Variants in PTPN3 observed in about 807,000 individuals in gnomAD.
PTPN3 encodes the protein protein tyrosine phosphatase non-receptor type 3.
Under a neutral mutation model 132.7 loss-of-function variants are expected in PTPN3, and 96 were observed. The observed-to-expected ratio is 0.72, with a 90% CI of 0.61 to 0.86. The LOEUF (loss-of-function observed/expected upper bound fraction) is 0.86. PTPN3 is among the 40% of genes least tolerant of loss of function. The pLI, the probability that PTPN3 is intolerant of heterozygous loss-of-function variation, is 0.00. For synonymous variants in PTPN3, 398 were observed against 429.0 expected, an observed-to-expected ratio of 0.93 and a Z score of 0.89; for missense variants, 1,125 against 1,159.6, an observed-to-expected ratio of 0.97 and a Z score of 0.43.
intron 12 of PTPN3, among the ~76,000 whole-genome samples, chr9:109,423,600 T>C (rs1164890707): frequency 6.6e-6 from 1 of 152,192 alleles, no homozygotes; most frequent in Non-Finnish European, 1.5e-5. Flanking sequence ...AGTAAGACTC[T>C]GTCTCCAAAA....
intron 1 of PTPN3, among the ~76,000 whole-genome samples, chr9:109,470,991 C>A (rs530905962): frequency 6.0e-5 from 9 of 151,150 alleles, no homozygotes; most frequent in Non-Finnish European, 1.2e-4. Flanking sequence ...AGAAAAGTTG[C>A]AAGAAAAACA....
chr9:109,515,049 C>A, the PTPN3 span, among the ~76,000 whole-genome samples: 2 of 151,620 alleles, frequency 1.3e-5, no homozygotes, highest in Non-Finnish European at 2.9e-5. Flanking sequence ...TTGACAGAGT[C>A]TCACTCTATA....
chr9:109,523,102 C>T, the PTPN3 span, among the ~76,000 whole-genome samples: 1 of 150,520 alleles, frequency 6.6e-6, no homozygotes, highest in South Asian at 2.1e-4. Context: ...TAGTGCTTCT[C>T]TATAAATTTA....
At chr9:109,469,756 T>C (rs1056727840) in intron 1 of PTPN3, among the ~76,000 whole-genome samples, 1 of 152,170 alleles carries the variant, frequency 6.6e-6, no homozygotes, top group African/African-American at 2.4e-5. Flanking sequence ...ATACCCAATT[T>C]GTAAGTAACC....
At chr9:109,510,558 T>TAAAAAAAAA in the PTPN3 span, among the ~76,000 whole-genome samples, 4 of 74,148 alleles carry the variant, frequency 5.4e-5, no homozygotes, top group African/African-American at 2.0e-4. Flanking sequence ...AACTTTGTCT[T>TAAAAAAAAA]AAAAAAAAAA....
intron 14 of PTPN3, among the ~76,000 whole-genome samples, chr9:109,416,693 C>G (rs1842532016): frequency 6.6e-6 from 1 of 152,040 alleles, no homozygotes; most frequent in African/African-American, 2.4e-5. Context: ...GCAATCTGAC[C>G]AGCATGGCCT....
At chr9:109,499,731 CG>C (rs1215178128), upstream of PTPN3, among the ~76,000 whole-genome samples, 1 of 152,244 alleles carries the variant, frequency 6.6e-6, no homozygotes, top group Non-Finnish European at 1.5e-5. Context: ...AACCTCATTT[CG>C]GTCCTTGTCC....
intron 5 of PTPN3, among the ~76,000 whole-genome samples, chr9:109,452,208 C>T (rs1339015232): frequency 7.4e-6 from 1 of 134,390 alleles, no homozygotes; most frequent in East Asian, 2.2e-4. Context: ...GCCGAGGTTA[C>T]AGTGAGCTGA....
intron 7 of PTPN3, among the ~76,000 whole-genome samples, chr9:109,439,569 G>T (rs1309594705): frequency 6.6e-6 from 1 of 152,238 alleles, no homozygotes; most frequent in Non-Finnish European, 1.5e-5. Context: ...CAGAAGGGAA[G>T]TGGGTGAGAC....
rs1433337101 is a variant in PTPN3, at chr9:109,408,793, AAAAAT to A, written c.1579-421_1579-417del. On this transcript the variant is annotated intron_variant, in intron 16 of 25. Transcript: ENST00000374541. ...AACTTATAATAATTAAAAAAAAAAA[AAAAAT>A]ATATATATATATATATATATGGGCT... Among the ~76,000 whole-genome samples, 639 of 74,580 alleles carry A rather than the reference AAAAAT, an allele frequency of 8.6e-3. 13 individuals carry two copies. Among genetic ancestry groups the A allele is most frequent in the Admixed American group, 0.027 (196 of 7,314 alleles). The allele number at this position is 74,580 out of a possible 152,430, so 48.9% of individuals were successfully genotyped here.
intron 19 of PTPN3, among the ~76,000 whole-genome samples, chr9:109,395,526 C>T (rs1349945263): frequency 2.6e-5 from 4 of 152,146 alleles, no homozygotes; most frequent in Non-Finnish European, 4.4e-5. Flanking sequence ...GTGGCTCATG[C>T]CTGTAATCCC....
chr9:109,467,527 T>C (rs1159953932), intron 1 of PTPN3, among the ~76,000 whole-genome samples: 16 of 152,174 alleles, frequency 1.1e-4, no homozygotes, highest in Admixed American at 9.2e-4. Context: ...ATACAGGCTC[T>C]GCGGAATCTA....
At chr9:109,500,949 C>G (rs891362385), upstream of PTPN3, among the ~76,000 whole-genome samples, 1 of 147,792 alleles carries the variant, frequency 6.8e-6, no homozygotes, top group Admixed American at 6.7e-5. Flanking sequence ...AAAAAAAAAG[C>G]TAAAAACACA....
the PTPN3 span, chr9:109,533,651 C>A: frequency 6.7e-7 from 1 of 1,495,748 alleles, no homozygotes; most frequent in Non-Finnish European, 9.2e-7. Flanking sequence ...ACCTTGTTTT[C>A]CTGCACCCTG....
chr9:109,392,066 G>A (rs938652147), intron 19 of PTPN3, among the ~76,000 whole-genome samples: 3 of 151,910 alleles, frequency 2.0e-5, no homozygotes, highest in South Asian at 2.1e-4. Context: ...ATTTACAGAG[G>A]TACTTCCCTA....
At chr9:109,460,937 T>C (rs970308934) in intron 2 of PTPN3, among the ~76,000 whole-genome samples, 1 of 152,228 alleles carries the variant, frequency 6.6e-6, no homozygotes, top group Non-Finnish European at 1.5e-5. Flanking sequence ...ACATGAGTTA[T>C]ATACTAACAA....
At chr9:109,385,751 C>A (rs1283774345) in intron 22 of PTPN3, among the ~76,000 whole-genome samples, 1 of 152,232 alleles carries the variant, frequency 6.6e-6, no homozygotes, top group African/African-American at 2.4e-5. Context: ...ACGAAGATCA[C>A]TGAAGCTAGG....
rs940733690 is a variant in PTPN3, at chr9:109,498,110, C to G, written c.-18+109G>C. The G allele has an allele frequency of 6.9e-6, 1 of 145,936 alleles. No homozygotes were observed. Among genetic ancestry groups the G allele is most frequent in the African/African-American group, 2.5e-5 (1 of 40,734 alleles). 9.0% of individuals were successfully genotyped at this position (145,936 alleles called of 1,614,324 possible). A position where few individuals can be genotyped will look rare whatever the true frequency, so the allele number is the denominator to read the frequency against. ...GCACCCGCCAGCCCGCCCGCGCGTC[C>G]GCCGCGCGCCCCAGGGACGGGTGGG... On this transcript the variant is annotated intron_variant, in intron 1 of 25. Transcript: ENST00000374541. The surrounding 1 kb of genome is among the most constrained non-coding windows in gnomAD (Gnocchi z 4.2).
chr9:109,439,494 A>G (rs1002085681), intron 7 of PTPN3, among the ~76,000 whole-genome samples: 11 of 152,242 alleles, frequency 7.2e-5, no homozygotes, highest in African/African-American at 1.9e-4. Flanking sequence ...TCCAAATCAA[A>G]TAACTCCTTC....
Sources: allele counts gnomAD v4.1 joint callset (sites outside exome capture counted in the v4.1 genomes callset), GRCh38; gene constraint gnomAD v4.1.1; non-coding constraint Gnocchi (gnomAD v3.1); transcripts MANE v1.5; gene names NCBI Gene and HGNC (gene_info 2026-07-23, HGNC 2026-07-21).